The following ZNF48 variants were observed in gnomAD, a reference collection of about 807,000 sequenced individuals.
ZNF48 encodes zinc finger protein 553.
Under a neutral mutation model 40.0 loss-of-function variants are expected in ZNF48, and 20 were observed. That is an observed-to-expected ratio of 0.50 (90% CI 0.35 to 0.73). The LOEUF is 0.73. Among genes scored for constraint, ZNF48 ranks in the 30% least tolerant of loss-of-function variants. The pLI, the probability that ZNF48 is intolerant of heterozygous loss-of-function variation, is 0.01. For synonymous variants in ZNF48, 298 were observed against 329.7 expected (o/e 0.90, Z 1.04); for missense variants, 726 against 851.9 (o/e 0.85, Z 1.84).
Position 30,398,963 on chromosome 16 carries a change from C to T in ZNF48, c.1713C>T (p.Tyr571=), listed in dbSNP as rs901105784. 3 of 1,613,970 alleles carry T rather than the reference C, an allele frequency of 1.9e-6. No homozygotes were observed. The highest frequency in any genetic ancestry group is 2.5e-6 in the Non-Finnish European group (3 of 1,180,016). The change falls in exon 3 of 3, where the codon TAC becomes TAT. Residue 571 remains tyrosine (Y), a synonymous_variant. Transcript: ENST00000613509. This position sits in a 1 kb window ranked among gnomAD's most constrained non-coding sequence, Gnocchi z 6.6. ...HRRTHTGEKP[Y]KCAECGKGFG... ...GTACACACACGGGGGAGAAGCCATA[C>T]AAGTGTGCAGAGTGTGGCAAGGGTT...
rs1250899847 is a variant in ZNF48 at position 30,395,709 on chromosome 16, G to GGGCAGC, written c.-15-65_-15-60dup. 5 of 1,245,906 alleles carry GGGCAGC rather than the reference G, an allele frequency of 4.0e-6. No individual in the cohort carries two copies. Among genetic ancestry groups the GGGCAGC allele is most frequent in the Non-Finnish European group, 5.1e-6 (5 of 978,616 alleles). 77.2% of individuals were successfully genotyped at this position (1,245,906 alleles called of 1,614,324 possible). Reference sequence around the variant, plus strand: ...CCCGGTGCCCGCGCTGGCCGGCAGAGGGCAGCGGCAGGGCGCCGCGGGCCA... The same window carrying GGGCAGC: ...CCCGGTGCCCGCGCTGGCCGGCAGAGGGCAGCGGCAGCGGCAGGGCGCCGCGGGCCA... On this transcript the variant is annotated intron_variant, in intron 1 of 2. Coordinates refer to ENST00000613509, the MANE Select transcript of ZNF48 (RefSeq NM_001214909.2). The surrounding 1 kb of genome is among the most constrained non-coding windows in gnomAD (Gnocchi z 5.9).
chr16:30,378,375 G>A (rs1224625380), exon 1 of ZNF48: 2 of 1,453,998 alleles, frequency 1.4e-6, no homozygotes, highest in East Asian at 2.4e-5. Context: ...TGGGGCGCGG[G>A]GATTGGACAA....
At chr16:30,387,156 G>A (rs563500783) in intron 1 of ZNF48, among the ~76,000 whole-genome samples, 122 of 149,464 alleles carry the variant, frequency 8.2e-4, no homozygotes, top group Non-Finnish European at 1.4e-3. Flanking sequence ...TGTTAGCCAG[G>A]ATGGTCTCGA....
upstream of ZNF48, among the ~76,000 whole-genome samples, chr16:30,391,784 ACT>A (rs2151115743): frequency 7.1e-6 from 1 of 140,774 alleles, no homozygotes; most frequent in South Asian, 2.3e-4. Context: ...GGCGTGAGCC[ACT>A]GATTCCAGCC....
rs1474756153 is a variant in ZNF48 at position 30,386,894 on chromosome 16, C to T, written c.-16+8484C>T. ...GGTCAGGCTGGTCTTGAACTTCCGG[C>T]ATCCCAAAGTGCTGGGATTACAGGT... On this transcript the variant is annotated intron_variant, in intron 1 of 2. Transcript: ENST00000528032. 3.3e-5 allele frequency among the ~76,000 whole-genome samples: 5 copies of T among 150,682 alleles called. No homozygotes were observed. In the East Asian group the frequency reaches 9.9e-4, roughly 30 times the overall value.
chr16:30,382,399 G>A lies in ZNF48; in HGVS notation c.-16+3989G>A, dbSNP rs1567426678. The A allele has an allele frequency of 1.9e-6, 3 of 1,579,740 alleles. No individual in the cohort carries two copies. Among genetic ancestry groups the A allele is most frequent in the South Asian group, 2.3e-5 (2 of 88,082 alleles). ...GGGGGTGGACAATATGAGGCTGCTGGCAATGGCAGGCAGGGTCCCCAGGAT... is the reference window on the plus strand; with the variant it reads ...GGGGGTGGACAATATGAGGCTGCTGACAATGGCAGGCAGGGTCCCCAGGAT... On this transcript the variant is annotated intron_variant, in intron 1 of 2. Coordinates refer to the ZNF48 transcript ENST00000528032. This position sits in a 1 kb window ranked among gnomAD's most constrained non-coding sequence, Gnocchi z 4.8.
At chr16:30,384,955 T>G (rs1373011245) in intron 1 of ZNF48, among the ~76,000 whole-genome samples, 1 of 151,878 alleles carries the variant, frequency 6.6e-6, no homozygotes, top group Non-Finnish European at 1.5e-5. Context: ...GTCAGGCAGA[T>G]CACCTGTGGT....
Position 30,382,017 on chromosome 16 carries a change from A to C in ZNF48, c.-16+3607A>C, listed in dbSNP as rs1042858926. ...CAGAAAAAAAGCAGTCAACTACCTG[A>C]GTCCCCAGATGGAAAAGACTAGGGT... is the stretch of plus-strand genomic sequence containing the variant. On this transcript the variant is annotated intron_variant, in intron 1 of 2. Transcript: ENST00000528032. The surrounding 1 kb of genome is among the most constrained non-coding windows in gnomAD (Gnocchi z 4.8). 1.3e-6 allele frequency: 2 copies of C among 1,598,484 alleles called. No individual in the cohort carries two copies. The highest frequency in any genetic ancestry group is 1.7e-6 in the Non-Finnish European group (2 of 1,168,366).
chr16:30,381,112 G>A lies in ZNF48; in HGVS notation c.-16+2702G>A, dbSNP rs2049841026. On this transcript the variant is annotated intron_variant, in intron 1 of 2. Coordinates refer to the ZNF48 transcript ENST00000528032. This position sits in a 1 kb window ranked among gnomAD's most constrained non-coding sequence, Gnocchi z 4.3. Reference sequence around the variant, plus strand: ...GCTTCACATGGGGTCAAAGGTCAGAGGTCATCACTCACACCTTCTGCTTGA... The same window carrying A: ...GCTTCACATGGGGTCAAAGGTCAGAAGTCATCACTCACACCTTCTGCTTGA... 1.3e-6 allele frequency: 2 copies of A among 1,593,678 alleles called. No individual in the cohort carries two copies. The highest frequency in any genetic ancestry group is 8.6e-7 in the Non-Finnish European group (1 of 1,161,354).
intron 2 of ZNF48, among the ~76,000 whole-genome samples, chr16:30,396,489 GCTT>G (rs1400516169): frequency 6.6e-6 from 1 of 152,016 alleles, no homozygotes; most frequent in Non-Finnish European, 1.5e-5. Flanking sequence ...ACCACCCTAA[GCTT>G]CTTGAGGAAG....
In ZNF48 at chr16:30,381,228, C is replaced by T. The variant is rs768614997; in HGVS notation, c.-16+2818C>T. 57 of 1,613,964 alleles carry T rather than the reference C, an allele frequency of 3.5e-5. 1 individual carries two copies. The South Asian group carries it at 4.9e-4, about 14-fold the overall frequency. On this transcript the variant is annotated intron_variant, in intron 1 of 2. Transcript: ENST00000528032. This position sits in a 1 kb window ranked among gnomAD's most constrained non-coding sequence, Gnocchi z 4.3. Reference sequence around the variant, plus strand: ...TCGTGTACTGCCCGGAGGAAGGCCACATCTAGGGGCCGGAGCCTGCACCCA... The same window carrying T: ...TCGTGTACTGCCCGGAGGAAGGCCATATCTAGGGGCCGGAGCCTGCACCCA...
intron 1 of ZNF48, among the ~76,000 whole-genome samples, chr16:30,383,949 G>A (rs745899847): frequency 5.3e-5 from 8 of 152,202 alleles, no homozygotes; most frequent in Non-Finnish European, 1.0e-4. Context: ...TGGCGTGGTG[G>A]CTCACACCTG....
chr16:30,389,101 A>G (rs547241322), intron 1 of ZNF48, among the ~76,000 whole-genome samples: 20 of 152,122 alleles, frequency 1.3e-4, no homozygotes, highest in African/African-American at 4.8e-4. Context: ...TCTACTAAAA[A>G]TACAAAAATT....
rs1459806949 is a variant in ZNF48 at position 30,395,431 on chromosome 16, G to A, written c.-163G>A. On this transcript the variant is annotated 5_prime_UTR_variant, in exon 1 of 3. In the 5' UTR this introduces an upstream ATG that the reference lacks. Transcript: ENST00000613509. The surrounding 1 kb of genome is among the most constrained non-coding windows in gnomAD (Gnocchi z 5.9). ...CTTCCGCTTCCCGTCCCCGCCCCCGGTGGCCGCCCCCGGGACGCCTGGGTC... is the reference window on the plus strand; with the variant it reads ...CTTCCGCTTCCCGTCCCCGCCCCCGATGGCCGCCCCCGGGACGCCTGGGTC... 2.8e-6 allele frequency: 1 copy of A among 357,004 alleles called. No homozygotes were observed. Among genetic ancestry groups the A allele is most frequent in the Middle Eastern group, 8.8e-4 (1 of 1,136 alleles). The allele number at this position is 357,004 out of a possible 1,614,324, so 22.1% of individuals were successfully genotyped here. A position where few individuals can be genotyped will look rare whatever the true frequency, so the allele number is the denominator to read the frequency against.
chr16:30,385,852 G>A (rs1390905689), intron 1 of ZNF48, among the ~76,000 whole-genome samples: 11 of 152,078 alleles, frequency 7.2e-5, no homozygotes, highest in African/African-American at 2.2e-4. Flanking sequence ...AATGTTGGGC[G>A]TGGTGGTTCA....
Position 30,382,175 on chromosome 16 carries a change from C to T in ZNF48, c.-16+3765C>T, listed in dbSNP as rs750233364. The T allele has an allele frequency of 1.2e-6, 2 of 1,610,524 alleles. No individual in the cohort carries two copies. Among genetic ancestry groups the T allele is most frequent in the Non-Finnish European group, 8.5e-7 (1 of 1,178,398 alleles). The stretch of plus-strand genomic sequence containing the variant: ...TGAGGGTGGATTTCCCTAGGCCTGA[C>T]TCCCCTGTGGACAGAACAGGCCCAA... On this transcript the variant is annotated intron_variant, in intron 1 of 2. Coordinates refer to the ZNF48 transcript ENST00000528032. The surrounding 1 kb of genome is among the most constrained non-coding windows in gnomAD (Gnocchi z 4.8).
At chr16:30,393,221 C>T (rs149057360), upstream of ZNF48, among the ~76,000 whole-genome samples, 1,622 of 151,830 alleles carry the variant, frequency 0.011, 36 homozygotes, top group African/African-American at 0.037. Context: ...GGATTACAGG[C>T]GCCTGCCACC....
At position 30,398,770 on chromosome 16, in the gene ZNF48, G is replaced by A. The variant is rs187969117; in HGVS notation, c.1520G>A (p.Arg507Gln). 30 of 1,613,540 alleles carry A rather than the reference G, an allele frequency of 1.9e-5. No individual in the cohort carries two copies. In the Admixed American group the frequency reaches 3.2e-4, roughly 17 times the overall value. ...CGCACCCACCGTGGTGAACGGGCCC[G>A]GCCACCACCACCATCCACTCTGCTG... is the stretch of plus-strand genomic sequence containing the variant. ...HLRTHRGERA[R>Q]PPPPSTLLRP... The change falls in exon 3 of 3, where the codon CGG becomes CAG. Residue 507 changes from arginine to glutamine, a missense_variant. Coordinates refer to ENST00000613509, the MANE Select transcript of ZNF48 (RefSeq NM_001214909.2). This position sits in a 1 kb window ranked among gnomAD's most constrained non-coding sequence, Gnocchi z 6.6.
intron 1 of ZNF48, chr16:30,379,638 C>CTA: frequency 3.7e-5 from 11 of 295,644 alleles, no homozygotes; most frequent in Non-Finnish European, 4.0e-5. Flanking sequence ...CTGCCCCTTC[C>CTA]TCTTTTTTTT....
Sources: allele counts gnomAD v4.1 joint callset (sites outside exome capture counted in the v4.1 genomes callset), GRCh38; gene constraint gnomAD v4.1.1; non-coding constraint Gnocchi (gnomAD v3.1); transcripts MANE v1.5; gene names NCBI Gene and HGNC (gene_info 2026-07-23, HGNC 2026-07-21).